Variants in DCDC1 observed in about 807,000 individuals in gnomAD.
DCDC1 encodes doublecortin domain containing 1.
DCDC1 carries 200 observed loss-of-function variants against 178.3 expected under a neutral mutation model. That is an observed-to-expected ratio of 1.12 (90% CI 1.00 to 1.26). The LOEUF (loss-of-function observed/expected upper bound fraction) is 1.26. Among genes scored for constraint, DCDC1 ranks in the 50% most tolerant of loss-of-function variants. The pLI, the probability that DCDC1 is intolerant of heterozygous loss-of-function variation, is 0.00. For synonymous variants in DCDC1, 690 were observed against 604.8 expected (o/e 1.14, Z -2.07); for missense variants, 1,983 against 1,749.2 (o/e 1.13, Z -2.38).
intron 36 of DCDC1, among the ~76,000 whole-genome samples, chr11:30,888,078 G>GAAAGAAAGAAAGAAAAAGAA (rs1269227171): frequency 2.0e-5 from 2 of 97,808 alleles, no homozygotes; most frequent in Admixed American, 1.4e-4. Flanking sequence ...GAGAGAGAGA[G>GAAAGAAAGAAAGAAAAAGAA]AGAGAGAAAG....
intron 3 of DCDC1, among the ~76,000 whole-genome samples, chr11:31,314,943 T>C (rs1265069848): frequency 6.6e-6 from 1 of 152,166 alleles, no homozygotes; most frequent in African/African-American, 2.4e-5. Context: ...CTCTCTGAGA[T>C]TTTCATTAAA....
chr11:31,296,338 T>C (rs1161601718), intron 6 of DCDC1, among the ~76,000 whole-genome samples: 1 of 152,230 alleles, frequency 6.6e-6, no homozygotes, highest in Non-Finnish European at 1.5e-5. Flanking sequence ...CCCTGTTCAC[T>C]TTTAAACCCA....
chr11:30,906,514 T>C (rs761987634), intron 30 of DCDC1, 26 bp downstream of exon 30: 2 of 1,597,236 alleles, frequency 1.3e-6, no homozygotes, highest in Admixed American at 3.5e-5. Context: ...CATACATGCA[T>C]TAGCAGAGCT....
chr11:30,997,895 G>T (rs1951355397), intron 20 of DCDC1, among the ~76,000 whole-genome samples: 1 of 152,106 alleles, frequency 6.6e-6, no homozygotes, highest in Non-Finnish European at 1.5e-5. Flanking sequence ...CCAATAAGGA[G>T]ATTAAGACTT....
chr11:31,340,017 G>T (rs1239890823), intron 1 of DCDC1, among the ~76,000 whole-genome samples: 1 of 151,770 alleles, frequency 6.6e-6, no homozygotes, highest in South Asian at 2.1e-4. Context: ...AAAAGTCTCT[G>T]TTTTTATCTT....
At chr11:31,282,711 G>T (rs1339595037) in intron 7 of DCDC1, among the ~76,000 whole-genome samples, 1 of 151,986 alleles carries the variant, frequency 6.6e-6, no homozygotes, top group Non-Finnish European at 1.5e-5. Context: ...TTTTCTTCCA[G>T]TGAAAAATAT....
chr11:31,212,699 A>G (rs932242755), intron 9 of DCDC1, among the ~76,000 whole-genome samples: 15 of 152,190 alleles, frequency 9.9e-5, no homozygotes, highest in African/African-American at 3.6e-4. Flanking sequence ...CTTTGGATAC[A>G]ATGTAAATAG....
intron 20 of DCDC1, among the ~76,000 whole-genome samples, chr11:31,011,345 C>T (rs920126485): frequency 1.3e-5 from 2 of 151,990 alleles, no homozygotes; most frequent in Non-Finnish European, 2.9e-5. Context: ...ACAAAAGATA[C>T]AAAAACAAGT....
At chr11:30,990,731 G>GT (rs1950928099) in intron 20 of DCDC1, among the ~76,000 whole-genome samples, 2 of 152,228 alleles carry the variant, frequency 1.3e-5, no homozygotes, top group East Asian at 1.9e-4. Flanking sequence ...TTCTATGTTT[G>GT]TTTTTTTCTG....
At chr11:31,310,532 G>T (rs1342760737) in intron 3 of DCDC1, among the ~76,000 whole-genome samples, 9 of 151,882 alleles carry the variant, frequency 5.9e-5, no homozygotes, top group Admixed American at 4.6e-4. Flanking sequence ...TGTTAGCCAG[G>T]ATGGTCTCAA....
intron 20 of DCDC1, among the ~76,000 whole-genome samples, chr11:30,971,703 G>A (rs545748811): frequency 2.8e-5 from 4 of 144,326 alleles, no homozygotes; most frequent in East Asian, 4.2e-4. Context: ...TCTGCCTCCC[G>A]GGTTCACACC....
intron 11 of DCDC1, among the ~76,000 whole-genome samples, chr11:31,118,285 A>C (rs1282889149): frequency 6.6e-6 from 1 of 152,146 alleles, no homozygotes; most frequent in Non-Finnish European, 1.5e-5. Flanking sequence ...CCCTAAAGTG[A>C]ATGAGTATCC....
At chr11:30,963,064 T>C (rs978232323) in intron 20 of DCDC1, among the ~76,000 whole-genome samples, 4 of 152,076 alleles carry the variant, frequency 2.6e-5, no homozygotes, top group Non-Finnish European at 4.4e-5. Flanking sequence ...TCTCAGATAT[T>C]TGGTGGATAA....
intron 37 of DCDC1, among the ~76,000 whole-genome samples, chr11:30,879,296 G>A (rs1052683464): frequency 6.6e-6 from 1 of 152,108 alleles, no homozygotes; most frequent in South Asian, 2.1e-4. Flanking sequence ...AGCATGAGTG[G>A]AATGATTAAG....
chr11:31,002,176 T>TA (rs1332959004), intron 20 of DCDC1, among the ~76,000 whole-genome samples: 1 of 152,182 alleles, frequency 6.6e-6, no homozygotes, highest in African/African-American at 2.4e-5. Context: ...GATATAAAAG[T>TA]AAAAAATTTA....
intron 8 of DCDC1, among the ~76,000 whole-genome samples, chr11:31,257,756 G>T (rs1944513520): frequency 1.3e-5 from 2 of 150,444 alleles, no homozygotes. Flanking sequence ...TAAAACCTGA[G>T]ATCCTAAATG....
chr11:30,911,224 AT>A, intron 28 of DCDC1, 102 bp downstream of exon 28: 2 of 884,710 alleles, frequency 2.3e-6, no homozygotes, highest in Non-Finnish European at 3.5e-6. Flanking sequence ...TTCAAATAGG[AT>A]TCTATGACAG....
chr11:31,031,496 TTA>T (rs1271154807), intron 20 of DCDC1, among the ~76,000 whole-genome samples: 1 of 152,156 alleles, frequency 6.6e-6, no homozygotes, highest in African/African-American at 2.4e-5. Flanking sequence ...TTTATAATGT[TTA>T]TCTTACAAGA....
At chr11:31,235,402 A>G (rs1332080450) in intron 9 of DCDC1, among the ~76,000 whole-genome samples, 1 of 151,834 alleles carries the variant, frequency 6.6e-6, no homozygotes, top group Non-Finnish European at 1.5e-5. Context: ...AGAGTTGAGT[A>G]GAAAAAAAAA....
Sources: gnomAD v4.1 joint callset for allele counts (sites outside exome capture counted in the v4.1 genomes callset) on GRCh38, gnomAD v4.1.1 for gene constraint, MANE v1.5 for transcripts, NCBI Gene and HGNC (gene_info 2026-07-23, HGNC 2026-07-21) for gene names.